Variants in DYNLT5 observed in about 807,000 individuals in gnomAD.
The protein encoded by DYNLT5 is dynein light chain Tctex-type family member 5, also known as dynein light chain Tctex-type 5.
DYNLT5 carries 25 observed loss-of-function variants against 19.3 expected under a neutral mutation model. That is an observed-to-expected ratio of 1.30 (90% CI 0.95 to 1.81). The LOEUF (loss-of-function observed/expected upper bound fraction) is 1.81. DYNLT5 is among the 40% of genes most tolerant of loss of function. DYNLT5 has a pLI of 0.00. For missense variants in DYNLT5, 232 were observed against 217.9 expected, an observed-to-expected ratio of 1.06 and a Z score of -0.41; for synonymous variants, 82 against 68.9, an observed-to-expected ratio of 1.19 and a Z score of -0.94.
intron 2 of DYNLT5, among the ~76,000 whole-genome samples, chr1:66,764,001 A>G (rs1344431480): frequency 6.6e-6 from 1 of 152,090 alleles, no homozygotes; most frequent in Non-Finnish European, 1.5e-5. Flanking sequence ...CCTGGGCAAC[A>G]TGGCAAAACC....
chr1:66,752,772 C>A (rs1301406973), intron 1 of DYNLT5, among the ~76,000 whole-genome samples, 188 bp downstream of exon 1: 1 of 152,212 alleles, frequency 6.6e-6, no homozygotes, highest in Non-Finnish European at 1.5e-5. Flanking sequence ...AACGGTTCGT[C>A]CCCTGCCCCA....
intron 3 of DYNLT5, among the ~76,000 whole-genome samples, chr1:66,773,196 T>C (rs1441954511): frequency 6.6e-6 from 1 of 152,188 alleles, no homozygotes; most frequent in Non-Finnish European, 1.5e-5. Context: ...CCTGGTTGTT[T>C]GCAAACATGG....
At chr1:66,760,798 C>T (rs2094644664) in intron 2 of DYNLT5, among the ~76,000 whole-genome samples, 1 of 152,222 alleles carries the variant, frequency 6.6e-6, no homozygotes, top group African/African-American at 2.4e-5. Context: ...AAAAGTTCAT[C>T]AGCTGTGCTT....
chr1:66,769,637 C>A (rs12727422), intron 2 of DYNLT5, among the ~76,000 whole-genome samples: 29,370 of 151,822 alleles, frequency 0.19, 3,176 homozygotes, highest in African/African-American at 0.29. Context: ...GAGGGTGCAG[C>A]ATTCTGAGAC....
intron 2 of DYNLT5, chr1:66,755,834 A>C (rs941824124): frequency 1.3e-5 from 2 of 152,220 alleles, no homozygotes; most frequent in Non-Finnish European, 2.9e-5. Flanking sequence ...GCTATTTCCA[A>C]TAGTTAAGTG....
intron 2 of DYNLT5, among the ~76,000 whole-genome samples, chr1:66,762,185 T>G (rs2094647074): frequency 6.6e-6 from 1 of 152,220 alleles, no homozygotes; most frequent in African/African-American, 2.4e-5. Context: ...TTATTGAAAA[T>G]TTCAATTATG....
At chr1:66,760,051 C>T (rs2094643124) in intron 2 of DYNLT5, among the ~76,000 whole-genome samples, 1 of 152,122 alleles carries the variant, frequency 6.6e-6, no homozygotes, top group Admixed American at 6.6e-5. Flanking sequence ...TTCATTTCCT[C>T]ACCTCCTTTC....
chr1:66,770,307 C>A, intron 2 of DYNLT5, 80 bp from the exon 3 acceptor site: 2 of 946,664 alleles, frequency 2.1e-6, no homozygotes, highest in Non-Finnish European at 3.3e-6. Flanking sequence ...ATCTTTGTAA[C>A]ATTTTAGCTT....
At chr1:66,777,004 A>T (rs1185073437) in intron 4 of DYNLT5, among the ~76,000 whole-genome samples, 1 of 152,178 alleles carries the variant, frequency 6.6e-6, no homozygotes, top group South Asian at 2.1e-4. Flanking sequence ...TGTGTTCTGG[A>T]TTATAATTAT....
chr1:66,757,914 G>C (rs548821564), intron 2 of DYNLT5, among the ~76,000 whole-genome samples: 1 of 152,110 alleles, frequency 6.6e-6, no homozygotes, highest in Non-Finnish European at 1.5e-5. Flanking sequence ...GGCCACTTTC[G>C]CACTGTAACA....
At chr1:66,771,973 G>C (rs920147620) in intron 3 of DYNLT5, among the ~76,000 whole-genome samples, 18 of 152,106 alleles carry the variant, frequency 1.2e-4, no homozygotes, top group Admixed American at 1.2e-3. Context: ...TCCTACAATA[G>C]TCTATGTGAA....
At chr1:66,766,261 G>A (rs1012010528) in intron 2 of DYNLT5, among the ~76,000 whole-genome samples, 5 of 152,116 alleles carry the variant, frequency 3.3e-5, no homozygotes, top group Non-Finnish European at 7.4e-5. Context: ...ATGAGATCAC[G>A]TGTCTAGAAG....
chr1:66,752,612 C>G, intron 1 of DYNLT5, 28 bp downstream of exon 1: 16 of 984,702 alleles, frequency 1.6e-5, no homozygotes, highest in Non-Finnish European at 1.9e-5. Context: ...TGCAGCGCGT[C>G]TGGACCCCAA....
In DYNLT5 at chr1:66,754,666, T is replaced by C. The variant is rs1373085571; in HGVS notation, c.8T>C (p.Met3Thr). MM[M>T]SDNAKGRAAH... ...AGTCTTCTTCCATAGGTTATGATGA[T>C]GTCAGACAATGCTAAAGGCAGAGCA... Residue 3 changes from methionine to threonine, a missense_variant, in exon 2 of 5, where the codon ATG (methionine) becomes ACG (threonine). Coordinates refer to ENST00000282670, the MANE Select transcript of DYNLT5 (RefSeq NM_152665.3). The C allele has an allele frequency of 1.2e-6, 2 of 1,609,088 alleles. No homozygotes were observed. The highest frequency in any genetic ancestry group is 1.1e-5 in the South Asian group (1 of 89,700).
intron 1 of DYNLT5, 59 bp downstream of exon 1, chr1:66,752,643 G>A: frequency 2.1e-6 from 2 of 962,884 alleles, no homozygotes; most frequent in Non-Finnish European, 2.5e-6. Context: ...GGGGGCAAGG[G>A]ATCGGCCCTT....
intron 2 of DYNLT5, among the ~76,000 whole-genome samples, chr1:66,760,434 C>T (rs1033138688): frequency 2.0e-5 from 3 of 152,138 alleles, no homozygotes; most frequent in African/African-American, 7.2e-5. Flanking sequence ...TTCTTTTGCT[C>T]ACGAACAAGT....
At position 66,754,464 on chromosome 1, in the gene DYNLT5, A is replaced by G. The variant is rs539171587; in HGVS notation, c.-3-192A>G. ...TACTATTGCATAAATAAGCATTTTC[A>G]GAGTTATCATAGTTCCAGTTTCACT... On this transcript the variant is annotated intron_variant, in intron 1 of 4. Coordinates refer to ENST00000282670, the MANE Select transcript of DYNLT5 (RefSeq NM_152665.3). 2.0e-5 allele frequency among the ~76,000 whole-genome samples: 3 copies of G among 152,352 alleles called. No individual in the cohort carries two copies. The South Asian group carries it at 6.2e-4, about 32-fold the overall frequency.
chr1:66,765,250 ATATT>A (rs2094652726), intron 2 of DYNLT5, among the ~76,000 whole-genome samples: 1 of 152,204 alleles, frequency 6.6e-6, no homozygotes, highest in African/African-American at 2.4e-5. Context: ...AAATGATACT[ATATT>A]TATAAACATG....
In DYNLT5 at chr1:66,778,803, A is replaced by AC. The variant is rs1461967360; in HGVS notation, c.*1350dup. 8.1e-6 allele frequency: 1 copy of AC among 123,744 alleles called. No individual in the cohort carries two copies. Among genetic ancestry groups the AC allele is most frequent in the Non-Finnish European group, 1.8e-5 (1 of 54,682 alleles). 7.7% of individuals were successfully genotyped at this position (123,744 alleles called of 1,614,324 possible). On this transcript the variant is annotated 3_prime_UTR_variant, in exon 5 of 5. Coordinates refer to ENST00000282670, the MANE Select transcript of DYNLT5 (RefSeq NM_152665.3). ...ATTCAAAATGAATTTGTCAATTTTC[A>AC]CTTTTTTTTTTCTGTTAGTGCATTA...
Sources: allele counts gnomAD v4.1 joint callset (sites outside exome capture counted in the v4.1 genomes callset), GRCh38; gene constraint gnomAD v4.1.1; transcripts MANE v1.5; gene names NCBI Gene and HGNC (gene_info 2026-07-23, HGNC 2026-07-21).